Variants in ABHD16A observed in about 807,000 individuals in gnomAD.
ABHD16A encodes the protein phosphatidylserine lipase ABHD16A.
Under a neutral mutation model 89.8 loss-of-function variants are expected in ABHD16A, and 47 were observed. The ratio of observed to expected loss-of-function variants is 0.52; its 90% CI spans 0.41 to 0.67. ABHD16A has a LOEUF of 0.67. Among genes scored for constraint, ABHD16A ranks in the 30% least tolerant of loss-of-function variants. The probability of loss-of-function intolerance (pLI) is 0.00; values close to 1 mark genes in which losing one functional copy is unlikely to be tolerated. For synonymous variants in ABHD16A, 251 were observed against 280.4 expected (o/e 0.90, Z 1.05); for missense variants, 580 against 734.6 (o/e 0.79, Z 2.43).
Position 31,687,154 on chromosome 6 carries a change from G to T in ABHD16A, c.*58C>A. Reference sequence around the variant, plus strand: ...TGAACACAGAGAATCACAAATAAGAGGGTCTTTCCTCATGTCTCCTCTCAC... The same window carrying T: ...TGAACACAGAGAATCACAAATAAGATGGTCTTTCCTCATGTCTCCTCTCAC... On this transcript the variant is annotated 3_prime_UTR_variant, in exon 20 of 20. Coordinates refer to ENST00000395952, the MANE Select transcript of ABHD16A (RefSeq NM_021160.3). The surrounding 1 kb of genome is among the most constrained non-coding windows in gnomAD (Gnocchi z 6.3). 3 of 1,471,406 alleles carry T rather than the reference G, an allele frequency of 2.0e-6. No homozygotes were observed. Among genetic ancestry groups the T allele is most frequent in the Non-Finnish European group, 2.8e-6 (3 of 1,063,118 alleles). 91.1% of individuals were successfully genotyped at this position (1,471,406 alleles called of 1,614,324 possible).
chr6:31,702,033 G>C, intron 2 of ABHD16A, 41 bp downstream of exon 2: 1 of 1,610,742 alleles, frequency 6.2e-7, no homozygotes, highest in Non-Finnish European at 8.5e-7. Context: ...GGACAGGTGG[G>C]TCTGAAAGAT....
At chr6:31,691,721 G>A (rs1403211581) in intron 8 of ABHD16A, 41 bp from the exon 9 acceptor site, 2 of 972,556 alleles carry the variant, frequency 2.1e-6, no homozygotes, top group South Asian at 2.5e-5. Flanking sequence ...CAAGGGTCAG[G>A]AGGCCACATC....
Position 31,698,479 on chromosome 6 carries a change from T to G in ABHD16A, c.344-1446A>C, listed in dbSNP as rs1301779451. 7.4e-6 allele frequency among the ~76,000 whole-genome samples: 1 copy of G among 135,192 alleles called. No homozygotes were observed. Among genetic ancestry groups the G allele is most frequent in the Non-Finnish European group, 1.5e-5 (1 of 64,960 alleles). The allele number at this position is 135,192 out of a possible 152,430, so 88.7% of individuals were successfully genotyped here. ...TTATATTTTGTTCTCTGGACTTTTC[T>G]GTATTTTTTCTTTTTTCTTTTTTTT... On this transcript the variant is annotated intron_variant, in intron 4 of 19. Coordinates refer to ENST00000395952, the MANE Select transcript of ABHD16A (RefSeq NM_021160.3). The surrounding 1 kb of genome is among the most constrained non-coding windows in gnomAD (Gnocchi z 4.1).
At chr6:31,696,205 C>A (rs1284862353) in intron 5 of ABHD16A, among the ~76,000 whole-genome samples, 2 of 151,466 alleles carry the variant, frequency 1.3e-5, no homozygotes, top group African/African-American at 2.4e-5. Flanking sequence ...GTGGTGTGCA[C>A]CTGTAATTCC....
chr6:31,701,309 G>A lies in ABHD16A; in HGVS notation c.221C>T (p.Ser74Phe). ...CAAGTAGAAGAAGGCGAAGGGAGAGGAGTAATAAGAGATGGACCAGAATAC... is the reference window on the plus strand; with the variant it reads ...CAAGTAGAAGAAGGCGAAGGGAGAGAAGTAATAAGAGATGGACCAGAATAC... ...ASVFWSISYY[S>F]SPFAFFYLYR... Residue 74 changes from serine (S) to phenylalanine (F), a missense_variant, in exon 3 of 20, where the codon TCC (serine) becomes TTC (phenylalanine). Around this residue, in one of 2 missense-constraint regions of ABHD16A, gnomAD observed 165 missense variants for 165.8 expected, o/e 1.00. Transcript: ENST00000395952. 6.2e-7 allele frequency: 1 copy of A among 1,613,586 alleles called. No homozygotes were observed. Among genetic ancestry groups the A allele is most frequent in the Non-Finnish European group, 8.5e-7 (1 of 1,179,822 alleles).
chr6:31,701,989 G>T, intron 2 of ABHD16A, 85 bp downstream of exon 2: 1 of 1,508,894 alleles, frequency 6.6e-7, no homozygotes, highest in Non-Finnish European at 9.2e-7. Context: ...CCAGGGCACT[G>T]TTGCTCCCAA....
At chr6:31,701,179 C>A (rs1804949838) in intron 3 of ABHD16A, 95 bp downstream of exon 3, 7 of 1,397,808 alleles carry the variant, frequency 5.0e-6, no homozygotes, top group Non-Finnish European at 7.1e-6. Flanking sequence ...GGAAGCCAAG[C>A]CATCTTCACA....
At position 31,690,374 on chromosome 6, in the gene ABHD16A, G is replaced by A; in HGVS notation, c.907+165C>T. 3.9e-6 allele frequency: 3 copies of A among 768,900 alleles called. No individual in the cohort carries two copies. Among genetic ancestry groups the A allele is most frequent in the South Asian group, 3.3e-5 (2 of 61,308 alleles). The allele number at this position is 768,900 out of a possible 1,614,324, so 47.6% of individuals were successfully genotyped here. On this transcript the variant is annotated intron_variant, in intron 10 of 19. Transcript: ENST00000395952. The surrounding 1 kb of genome is among the most constrained non-coding windows in gnomAD (Gnocchi z 4.1). ...AGCTAGGGACACAGGCCAGGGGAGGGATGTAAGGTTATCAAAGCAAATGGC... is the reference window on the plus strand; with the variant it reads ...AGCTAGGGACACAGGCCAGGGGAGGAATGTAAGGTTATCAAAGCAAATGGC...
Position 31,693,035 on chromosome 6 carries a change from C to T in ABHD16A, c.618G>A (p.Gln206=). ...LLNRVKKLPC[Q]ITSYLVAHTL... Reference sequence around the variant, plus strand: ...TCGCTGCTGTTTCCCACCTGGTGATCTGACAAGGCAGCTTCTTAACCCGGT... The same window carrying T: ...TCGCTGCTGTTTCCCACCTGGTGATTTGACAAGGCAGCTTCTTAACCCGGT... The change falls in exon 7 of 20, where the codon CAG becomes CAA. Residue 206 remains glutamine, a synonymous_variant. Transcript: ENST00000395952. The surrounding 1 kb of genome is among the most constrained non-coding windows in gnomAD (Gnocchi z 5.0). 6.2e-7 allele frequency: 1 copy of T among 1,614,194 alleles called. No individual in the cohort carries two copies.
In ABHD16A at chr6:31,701,905, G is replaced by C. The variant is rs564011856; in HGVS notation, c.189+169C>G. On this transcript the variant is annotated intron_variant, in intron 2 of 19. Transcript: ENST00000395952. The stretch of plus-strand genomic sequence containing the variant: ...GCTACATACCAAAGGGGAGTGCCAA[G>C]TATGCACATTTAGAGTGTGCCTGTG... Among the ~76,000 whole-genome samples, 8 of 152,320 alleles carry C rather than the reference G, an allele frequency of 5.3e-5. No homozygotes were observed. In the East Asian group the frequency reaches 1.5e-3, roughly 29 times the overall value.
rs1803817228 is a variant in ABHD16A, at chr6:31,690,934, A to G, written c.844-332T>C. Among the ~76,000 whole-genome samples, 1 of 151,832 alleles carries G rather than the reference A, an allele frequency of 6.6e-6. No individual in the cohort carries two copies. Among genetic ancestry groups the G allele is most frequent in the Non-Finnish European group, 1.5e-5 (1 of 67,966 alleles). ...TCTGTTATCTTCTGTGACCATTGCT[A>G]TTGTGTGGTATGCTGATTGCTCTCC... is the stretch of plus-strand genomic sequence containing the variant. On this transcript the variant is annotated intron_variant, in intron 9 of 19. Transcript: ENST00000395952. The surrounding 1 kb of genome is among the most constrained non-coding windows in gnomAD (Gnocchi z 4.1).
At chr6:31,699,170 G>T (rs1804659399) in intron 4 of ABHD16A, among the ~76,000 whole-genome samples, 1 of 151,834 alleles carries the variant, frequency 6.6e-6, no homozygotes, top group African/African-American at 2.4e-5. Context: ...ACTTTGGGAG[G>T]CCGAGGCGGG....
chr6:31,689,859 A>G (rs1803694647), intron 11 of ABHD16A, among the ~76,000 whole-genome samples, 155 bp from the exon 12 acceptor site: 1 of 152,156 alleles, frequency 6.6e-6, no homozygotes, highest in Non-Finnish European at 1.5e-5. Context: ...CAGAAGACGG[A>G]TGTGTACAAT....
At position 31,688,455 on chromosome 6, in the gene ABHD16A, T is replaced by C. The variant is rs59114240; in HGVS notation, c.1251-150A>G. On this transcript the variant is annotated intron_variant, in intron 14 of 19. Transcript: ENST00000395952. This position sits in a 1 kb window ranked among gnomAD's most constrained non-coding sequence, Gnocchi z 4.9. Reference sequence around the variant, plus strand: ...CCCTTCACTCAGGGGTGAGAGGGGATTATTTAAGGGGCATGGTTCAGTCTG... The same window carrying C: ...CCCTTCACTCAGGGGTGAGAGGGGACTATTTAAGGGGCATGGTTCAGTCTG... The C allele has an allele frequency of 7.3e-3, 6,331 of 868,580 alleles. 126 individuals are homozygous for C. Among genetic ancestry groups the C allele is most frequent in the African/African-American group, 0.063 (3,713 of 59,402 alleles). 53.8% of individuals were successfully genotyped at this position (868,580 alleles called of 1,614,324 possible). A position where few individuals can be genotyped will look rare whatever the true frequency, so the allele number is the denominator to read the frequency against.
At chr6:31,691,947 A>C (rs903692134) in intron 7 of ABHD16A, 29 bp from the exon 8 acceptor site, 2 of 1,556,538 alleles carry the variant, frequency 1.3e-6, no homozygotes, top group African/African-American at 2.7e-5. Context: ...AACAAACCCC[A>C]ACCCTGTTGA....
rs1316527716 is a variant in ABHD16A, at chr6:31,698,334, T to G, written c.344-1301A>C. 6.6e-6 allele frequency among the ~76,000 whole-genome samples: 1 copy of G among 151,854 alleles called. No individual in the cohort carries two copies. Among genetic ancestry groups the G allele is most frequent in the Admixed American group, 6.6e-5 (1 of 15,248 alleles). ...GGACTGAAAGGATTCCAATGGGAAC[T>G]CCAACCCTAACTGTGGTGCTTTAGT... On this transcript the variant is annotated intron_variant, in intron 4 of 19. Transcript: ENST00000395952. The surrounding 1 kb of genome is among the most constrained non-coding windows in gnomAD (Gnocchi z 4.1).
At position 31,690,761 on chromosome 6, in the gene ABHD16A, C is replaced by G. The variant is rs960500237; in HGVS notation, c.844-159G>C. Among the ~76,000 whole-genome samples the G allele has an allele frequency of 6.6e-6, 1 of 152,144 alleles. No individual in the cohort carries two copies. The highest frequency in any genetic ancestry group is 6.5e-5 in the Admixed American group (1 of 15,276). ...ATGGAAGCTTCTCATTCCACAGGGT[C>G]CATAAGAGGAGAAGCAAAGGGATTA... On this transcript the variant is annotated intron_variant, in intron 9 of 19. Coordinates refer to ENST00000395952, the MANE Select transcript of ABHD16A (RefSeq NM_021160.3). The surrounding 1 kb of genome is among the most constrained non-coding windows in gnomAD (Gnocchi z 4.1).
In ABHD16A at chr6:31,690,213, C is replaced by T. The variant is rs1189124292; in HGVS notation, c.908-86G>A. The T allele has an allele frequency of 1.5e-6, 2 of 1,327,012 alleles. No homozygotes were observed. The highest frequency in any genetic ancestry group is 1.5e-5 in the African/African-American group (1 of 66,952). 82.2% of individuals were successfully genotyped at this position (1,327,012 alleles called of 1,614,324 possible). A position where few individuals can be genotyped will look rare whatever the true frequency, so the allele number is the denominator to read the frequency against. On this transcript the variant is annotated intron_variant, in intron 10 of 19. Transcript: ENST00000395952. The surrounding 1 kb of genome is among the most constrained non-coding windows in gnomAD (Gnocchi z 4.1). Reference sequence around the variant, plus strand: ...GGGGGAAGGAAGAGCAGAAGTACCCCCCAGCTTAGATGCAAATAACTCCAA... The same window carrying T: ...GGGGGAAGGAAGAGCAGAAGTACCCTCCAGCTTAGATGCAAATAACTCCAA...
chr6:31,687,646 G>T lies in ABHD16A; in HGVS notation c.1542C>A (p.Ser514Arg). The stretch of plus-strand genomic sequence containing the variant: ...CCTGCCCCAGGAGCTCCTTACCCAC[G>T]CTCCAGGGGAAGTCGGGCCCGTGTT... ...QAEHGPDFPW[S>R]VGEDMSADGR... The change falls in exon 18 of 20, where the codon AGC (serine) becomes AGA (arginine). Residue 514 changes from serine to arginine, a missense_variant. This residue lies in a region of ABHD16A where 415 missense variants were observed against 568.8 expected (regional missense o/e 0.73). Coordinates refer to ENST00000395952, the MANE Select transcript of ABHD16A (RefSeq NM_021160.3). The surrounding 1 kb of genome is among the most constrained non-coding windows in gnomAD (Gnocchi z 6.3). 1.2e-6 allele frequency: 2 copies of T among 1,612,790 alleles called. No individual in the cohort carries two copies. The highest frequency in any genetic ancestry group is 1.1e-5 in the South Asian group (1 of 91,074).
Sources: allele counts gnomAD v4.1 joint callset (sites outside exome capture counted in the v4.1 genomes callset), GRCh38; gene constraint gnomAD v4.1.1; regional missense constraint gnomAD v4.1.1; non-coding constraint Gnocchi (gnomAD v3.1); transcripts MANE v1.5; gene names NCBI Gene and HGNC (gene_info 2026-07-23, HGNC 2026-07-21).